ABCA13: variants seen among roughly 807,000 people sequenced by gnomAD.
The protein encoded by ABCA13 is ATP binding cassette subfamily A member 13.
In ABCA13, 476 loss-of-function variants were observed where a neutral mutation model predicts 478.7. That is an observed-to-expected ratio of 0.99 (90% CI 0.92 to 1.07). The LOEUF is 1.07. Ranked by LOEUF, ABCA13 falls within the 50% of genes least tolerant of loss-of-function variation. The pLI is 0.00. For missense variants in ABCA13, 6,060 were observed against 5,910.6 expected, an observed-to-expected ratio of 1.03 and a Z score of -0.83; for synonymous variants, 2,252 against 2,158.9, an observed-to-expected ratio of 1.04 and a Z score of -1.20.
chr7:48,391,410 G>T (rs1816026716), intron 37 of ABCA13, among the ~76,000 whole-genome samples: 1 of 152,070 alleles, frequency 6.6e-6, no homozygotes, highest in South Asian at 2.1e-4. Flanking sequence ...ATACATATTA[G>T]GTAGAAACCA....
chr7:48,219,083 T>TA (rs1425004217), intron 3 of ABCA13, among the ~76,000 whole-genome samples: 1 of 152,222 alleles, frequency 6.6e-6, no homozygotes, highest in African/African-American at 2.4e-5. Flanking sequence ...TAAATAAATT[T>TA]AAAAAATGGC....
At chr7:48,427,681 G>A (rs1227409069) in intron 41 of ABCA13, 85 bp from the exon 42 acceptor site, 11 of 836,938 alleles carry the variant, frequency 1.3e-5, no homozygotes, top group East Asian at 8.1e-5. Flanking sequence ...TGTCACAACC[G>A]GATTAGGCAA....
chr7:48,386,631 G>A (rs1419603789), intron 35 of ABCA13, among the ~76,000 whole-genome samples: 3 of 152,118 alleles, frequency 2.0e-5, no homozygotes, highest in Non-Finnish European at 4.4e-5. Context: ...ACAAGCAATG[G>A]GGAAAGGATT....
At chr7:48,396,195 C>T (rs1585143766) in intron 38 of ABCA13, among the ~76,000 whole-genome samples, 1 of 152,226 alleles carries the variant, frequency 6.6e-6, no homozygotes, top group African/African-American at 2.4e-5. Flanking sequence ...GGACCAGATC[C>T]CCTCCCACCA....
chr7:48,596,776 C>T (rs1406075544), intron 58 of ABCA13, among the ~76,000 whole-genome samples: 5 of 151,116 alleles, frequency 3.3e-5, no homozygotes, highest in South Asian at 4.2e-4. Context: ...CCAGCCTGGG[C>T]GTCAGAGCAA....
intron 35 of ABCA13, among the ~76,000 whole-genome samples, chr7:48,379,067 A>T (rs980584364): frequency 1.3e-5 from 2 of 152,162 alleles, no homozygotes; most frequent in African/African-American, 2.4e-5. Flanking sequence ...TACAGAATTT[A>T]AAAAAAATCA....
At position 48,410,540 on chromosome 7, in the gene ABCA13, AC is replaced by A. The variant is rs774891448; in HGVS notation, c.12094del (p.His4032ThrfsTer9). 6.2e-7 allele frequency: 1 copy of A among 1,613,972 alleles called. No homozygotes were observed. Among genetic ancestry groups the A allele is most frequent in the South Asian group, 1.1e-5 (1 of 91,084 alleles). ...CCCAGGTCGTACGATCATCTTCACA[AC>A]CCACCACCTGGATGAAGCTGAAGCG... ...YREGRTIIFTTHHLDEAEALS... is the reference protein window; with the variant it reads ...YREGRTIIFTXHHLDEAEALS... On this transcript the variant is annotated frameshift_variant, in exon 40 of 62. Coordinates refer to ENST00000435803, the MANE Select transcript of ABCA13 (RefSeq NM_152701.5). LOFTEE classifies it high-confidence loss of function.
intron 53 of ABCA13, 63 bp from the exon 54 acceptor site, chr7:48,524,185 C>T: frequency 6.9e-7 from 1 of 1,448,032 alleles, no homozygotes; most frequent in Non-Finnish European, 9.3e-7. Flanking sequence ...ACCTTTTTGC[C>T]TCTTCTAGAC....
chr7:48,630,187 G>A, intron 59 of ABCA13, among the ~76,000 whole-genome samples: 1 of 151,976 alleles, frequency 6.6e-6, no homozygotes, highest in South Asian at 2.1e-4. Context: ...AGTTTTAGGG[G>A]TATAGGTGTG....
chr7:48,482,105 A>G (rs1293700395), intron 46 of ABCA13, among the ~76,000 whole-genome samples: 1 of 152,128 alleles, frequency 6.6e-6, no homozygotes, highest in Admixed American at 6.6e-5. Flanking sequence ...TGTGCAACTC[A>G]TGGAGATATT....
intron 17 of ABCA13, 95 bp downstream of exon 17, chr7:48,276,660 G>A: frequency 3.1e-6 from 3 of 959,770 alleles, no homozygotes; most frequent in Non-Finnish European, 4.7e-6. Context: ...AACAGTATTT[G>A]TATCTAATAC....
At chr7:48,571,155 T>C (rs1787606077) in intron 55 of ABCA13, among the ~76,000 whole-genome samples, 1 of 152,186 alleles carries the variant, frequency 6.6e-6, no homozygotes, top group Non-Finnish European at 1.5e-5. Context: ...CTCATCAGCA[T>C]TGATTTTTAA....
At chr7:48,253,618 T>A (rs1178848298) in intron 15 of ABCA13, among the ~76,000 whole-genome samples, 1 of 152,186 alleles carries the variant, frequency 6.6e-6, no homozygotes, top group Non-Finnish European at 1.5e-5. Flanking sequence ...CCCAAGTAGC[T>A]GGGACTACAG....
At chr7:48,250,687 A>T (rs546710803) in intron 15 of ABCA13, among the ~76,000 whole-genome samples, 19 of 152,304 alleles carry the variant, frequency 1.2e-4, no homozygotes, top group African/African-American at 3.8e-4. Flanking sequence ...CAAACTCATA[A>T]CTGTATGATT....
At chr7:48,315,430 G>T (rs1802432722) in intron 26 of ABCA13, among the ~76,000 whole-genome samples, 1 of 151,816 alleles carries the variant, frequency 6.6e-6, no homozygotes, top group African/African-American at 2.4e-5. Flanking sequence ...TTAAATTTCA[G>T]TAAGAACAAC....
At chr7:48,391,714 A>G (rs1377708164) in intron 37 of ABCA13, among the ~76,000 whole-genome samples, 1 of 152,212 alleles carries the variant, frequency 6.6e-6, no homozygotes, top group Non-Finnish European at 1.5e-5. Flanking sequence ...ATGTGGTAGC[A>G]TAACATGTTA....
At chr7:48,592,703 T>G (rs777991957) in intron 57 of ABCA13, among the ~76,000 whole-genome samples, 8 of 151,996 alleles carry the variant, frequency 5.3e-5, no homozygotes, top group Non-Finnish European at 1.2e-4. Context: ...ATTGTACTTA[T>G]GTCTTTTACT....
At chr7:48,202,889 G>C (rs1367075670) in intron 3 of ABCA13, among the ~76,000 whole-genome samples, 1 of 148,778 alleles carries the variant, frequency 6.7e-6, no homozygotes, top group African/African-American at 2.5e-5. Flanking sequence ...GGAGCTGCCT[G>C]CCAGTCCCGG....
intron 39 of ABCA13, among the ~76,000 whole-genome samples, chr7:48,406,999 C>T (rs1818353078): frequency 6.6e-6 from 1 of 152,086 alleles, no homozygotes; most frequent in Non-Finnish European, 1.5e-5. Flanking sequence ...CAAATGCCTG[C>T]AAACTTAATT....
Sources: gnomAD v4.1 joint callset for allele counts (sites outside exome capture counted in the v4.1 genomes callset) on GRCh38, gnomAD v4.1.1 for gene constraint, MANE v1.5 for transcripts, NCBI Gene and HGNC (gene_info 2026-07-23, HGNC 2026-07-21) for gene names.